The following ITPR2 variants were observed in gnomAD, a reference collection of about 807,000 sequenced individuals.
The protein encoded by ITPR2 is inositol 1,4,5-trisphosphate-gated calcium channel ITPR2.
A neutral mutation model predicts 317.1 loss-of-function variants in ITPR2; 207 were observed. The ratio of observed to expected loss-of-function variants is 0.65; its 90% CI spans 0.58 to 0.73. ITPR2 has a LOEUF of 0.73. Among genes scored for constraint, ITPR2 ranks in the 30% least tolerant of loss-of-function variants. The probability of loss-of-function intolerance (pLI) is 0.00; values close to 1 mark genes in which losing one functional copy is unlikely to be tolerated. For missense variants in ITPR2, 2,613 were observed against 3,284.0 expected (o/e 0.80, Z 4.99); for synonymous variants, 1,156 against 1,149.1 (o/e 1.01, Z -0.12).
At position 26,393,149 on chromosome 12, in the gene ITPR2, T is replaced by C. The variant is rs183398015; in HGVS notation, c.7697-5555A>G. Among the ~76,000 whole-genome samples, 208 of 152,344 alleles carry C rather than the reference T, an allele frequency of 1.4e-3. 2 individuals are homozygous for C. The highest frequency in any genetic ancestry group is 4.6e-3 in the African/African-American group (191 of 41,590). On this transcript the variant is annotated intron_variant, in intron 54 of 56. Coordinates refer to ENST00000381340, the MANE Select transcript of ITPR2 (RefSeq NM_002223.4). Reference sequence around the variant, plus strand: ...GAATCTACATCCTCTTGTCCTACTCTGGGTGTCCCTTGGCACACACCTGGA... The same window carrying C: ...GAATCTACATCCTCTTGTCCTACTCCGGGTGTCCCTTGGCACACACCTGGA...
At chr12:26,613,563 G>GACACACACACACAC (rs10574347) in intron 26 of ITPR2, among the ~76,000 whole-genome samples, 2 of 148,708 alleles carry the variant, frequency 1.3e-5, no homozygotes, top group African/African-American at 2.5e-5. Context: ...ATCATACACA[G>GACACACACACACAC]ACACACACAC....
At chr12:26,510,678 T>C (rs1391480333) in intron 37 of ITPR2, among the ~76,000 whole-genome samples, 2 of 152,220 alleles carry the variant, frequency 1.3e-5, no homozygotes, top group Non-Finnish European at 2.9e-5. Flanking sequence ...AGAACACAAA[T>C]TGTTTTAATA....
chr12:26,756,925 A>G (rs532445331), intron 2 of ITPR2, among the ~76,000 whole-genome samples: 1 of 152,308 alleles, frequency 6.6e-6, no homozygotes, highest in African/African-American at 2.4e-5. Context: ...TCAGCAGAAG[A>G]TACAGGTCAT....
intron 34 of ITPR2, among the ~76,000 whole-genome samples, chr12:26,562,754 C>T (rs369857615): frequency 6.8e-6 from 1 of 146,358 alleles, no homozygotes; most frequent in African/African-American, 2.6e-5. Context: ...CATCACACAC[C>T]AGGGCCTGTT....
intron 40 of ITPR2, 56 bp downstream of exon 40, chr12:26,487,012 G>A (rs538176721): frequency 3.5e-5 from 50 of 1,418,050 alleles, no homozygotes; most frequent in African/African-American, 3.5e-4. Flanking sequence ...AGATTTAAAC[G>A]CTATTCCCCT....
At chr12:26,611,317 T>G (rs1946261293) in intron 26 of ITPR2, among the ~76,000 whole-genome samples, 1 of 152,120 alleles carries the variant, frequency 6.6e-6, no homozygotes, top group Non-Finnish European at 1.5e-5. Flanking sequence ...TTAATTCTGT[T>G]CCTTACATCA....
chr12:26,561,371 T>A (rs1257124442), intron 35 of ITPR2, among the ~76,000 whole-genome samples: 1 of 152,220 alleles, frequency 6.6e-6, no homozygotes. Context: ...AGGAGTGAGA[T>A]ACTATACAAG....
chr12:26,525,719 C>G (rs1289116572), intron 37 of ITPR2, among the ~76,000 whole-genome samples: 3 of 152,202 alleles, frequency 2.0e-5, no homozygotes, highest in Non-Finnish European at 4.4e-5. Context: ...ATATTTTTCA[C>G]TTACCCTTGT....
At chr12:26,469,763 CAAG>C (rs1417453864) in intron 45 of ITPR2, among the ~76,000 whole-genome samples, 1 of 152,030 alleles carries the variant, frequency 6.6e-6, no homozygotes, top group African/African-American at 2.4e-5. Flanking sequence ...AAAGAAAGAA[CAAG>C]AAATGTAAAT....
intron 55 of ITPR2, among the ~76,000 whole-genome samples, chr12:26,368,708 T>G (rs1336099982): frequency 6.6e-6 from 1 of 152,060 alleles, no homozygotes; most frequent in African/African-American, 2.4e-5. Context: ...TGTTCATTCA[T>G]TTGTTTATTC....
intron 37 of ITPR2, among the ~76,000 whole-genome samples, chr12:26,526,944 G>A (rs950686613): frequency 2.6e-5 from 4 of 152,156 alleles, no homozygotes; most frequent in Admixed American, 1.3e-4. Context: ...GTGGACAAGG[G>A]AACCAAACAC....
chr12:26,620,726 T>C (rs371086367), intron 26 of ITPR2, among the ~76,000 whole-genome samples: 17 of 152,100 alleles, frequency 1.1e-4, no homozygotes, highest in African/African-American at 4.1e-4. Context: ...AGGATATGCA[T>C]AATGATAGGA....
chr12:26,391,553 T>C (rs1223674502), intron 54 of ITPR2, among the ~76,000 whole-genome samples: 3 of 63,956 alleles, frequency 4.7e-5, no homozygotes, highest in African/African-American at 1.2e-4. Context: ...TCTTCTTCTT[T>C]TCCTTTTTTT....
chr12:26,475,185 G>T, intron 45 of ITPR2, 111 bp downstream of exon 45: 2 of 1,221,276 alleles, frequency 1.6e-6, no homozygotes, highest in Non-Finnish European at 2.3e-6. Flanking sequence ...AACCTAGGAT[G>T]GTAAGTGCTG....
chr12:26,786,434 C>G (rs1287755092), intron 2 of ITPR2, among the ~76,000 whole-genome samples: 1 of 72,678 alleles, frequency 1.4e-5, no homozygotes, highest in Non-Finnish European at 2.6e-5. Context: ...GCGAGAAACA[C>G]CCAAGAATGA....
intron 2 of ITPR2, among the ~76,000 whole-genome samples, chr12:26,788,935 C>T (rs1042350160): frequency 4.6e-5 from 7 of 152,210 alleles, no homozygotes; most frequent in Non-Finnish European, 7.3e-5. Flanking sequence ...ATTTCACACA[C>T]ACTTCCTGCA....
chr12:26,612,208 T>G (rs1007418908), intron 26 of ITPR2, among the ~76,000 whole-genome samples: 1 of 151,762 alleles, frequency 6.6e-6, no homozygotes, highest in Non-Finnish European at 1.5e-5. Context: ...GGGAAAAAAC[T>G]TTTTTTCCCC....
chr12:26,656,622 A>G, intron 18 of ITPR2, 74 bp from the exon 19 acceptor site: 2 of 1,478,486 alleles, frequency 1.4e-6, no homozygotes, highest in Admixed American at 1.8e-5. Flanking sequence ...ACCAATCAGT[A>G]TCTATGTTTA....
chr12:26,451,513 C>G (rs750917162), intron 45 of ITPR2, among the ~76,000 whole-genome samples: 16 of 152,018 alleles, frequency 1.1e-4, no homozygotes, highest in Non-Finnish European at 2.2e-4. Context: ...CCAAGGAGTT[C>G]TAAAAATATT....
Sources: gnomAD v4.1 joint callset for allele counts (sites outside exome capture counted in the v4.1 genomes callset) on GRCh38, gnomAD v4.1.1 for gene constraint, MANE v1.5 for transcripts, NCBI Gene and HGNC (gene_info 2026-07-23, HGNC 2026-07-21) for gene names.